TMPRSS15: variants seen among roughly 807,000 people sequenced by gnomAD.
TMPRSS15 encodes the protein transmembrane serine protease 15.
Under a neutral mutation model 125.3 loss-of-function variants are expected in TMPRSS15, and 128 were observed. The ratio of observed to expected loss-of-function variants is 1.02; its 90% CI spans 0.89 to 1.18. The LOEUF (loss-of-function observed/expected upper bound fraction) is 1.18. Ranked by LOEUF, TMPRSS15 falls within the 50% of genes most tolerant of loss-of-function variation. The pLI, the probability that TMPRSS15 is intolerant of heterozygous loss-of-function variation, is 0.00. For missense variants in TMPRSS15, 1,283 were observed against 1,212.7 expected, an observed-to-expected ratio of 1.06 and a Z score of -0.86; for synonymous variants, 446 against 423.2, an observed-to-expected ratio of 1.05 and a Z score of -0.66.
At chr21:18,471,585 A>T (rs548951017) in intron 1 of TMPRSS15, among the ~76,000 whole-genome samples, 1 of 152,236 alleles carries the variant, frequency 6.6e-6, no homozygotes, top group South Asian at 2.1e-4. Flanking sequence ...CTCAAAGAAT[A>T]AGTATGTGGG....
intron 6 of TMPRSS15, among the ~76,000 whole-genome samples, chr21:18,365,622 TTC>T (rs1569035541): frequency 8.6e-4 from 6 of 6,992 alleles, no homozygotes; most frequent in African/African-American, 1.5e-3. Flanking sequence ...TTTTCTCTCT[TTC>T]TTTCTCTTTC....
At chr21:18,439,138 C>T (rs2076235688) in intron 1 of TMPRSS15, among the ~76,000 whole-genome samples, 1 of 152,190 alleles carries the variant, frequency 6.6e-6, no homozygotes, top group South Asian at 2.1e-4. Context: ...GAGGTTTACA[C>T]ATATTCATCT....
rs2076054812 is a variant in TMPRSS15, at chr21:18,397,927, G to C, written c.296C>G (p.Ser99Ter). 4 of 1,539,166 alleles carry C rather than the reference G, an allele frequency of 2.6e-6. No homozygotes were observed. In the African/African-American group the frequency reaches 5.5e-5, roughly 21 times the overall value. ...LQQMIDEIFL[S>*]SNLKNEYKNS... is the part of the protein sequence containing the mutation. The stretch of plus-strand genomic sequence containing the variant: ...CTTATATTCATTCTTCAGATTGCTT[G>C]ATAGAAAGATCTCATCTATCTAGAA... Residue 99 changes from serine (S) to a stop codon, truncating the protein, a stop_gained, in exon 3 of 25, where the codon TCA (serine) becomes TGA (stop). Coordinates refer to ENST00000284885, the MANE Select transcript of TMPRSS15 (RefSeq NM_002772.3). LOFTEE classifies it high-confidence loss of function.
At chr21:18,466,169 C>A (rs1978656205) in intron 1 of TMPRSS15, among the ~76,000 whole-genome samples, 1 of 152,122 alleles carries the variant, frequency 6.6e-6, no homozygotes, top group African/African-American at 2.4e-5. Flanking sequence ...GGAAAGGATT[C>A]CCTATTTAAT....
In TMPRSS15 at chr21:18,278,954, G is replaced by GTGTT; in HGVS notation, c.2764+9_2764+10insAACA. ...TTTTTTTTTTTTTTTTTTTGAGTCT[G>GTGTT]ATAATTTACCTTGATATACAACCGT... On this transcript the variant is annotated intron_variant, in intron 23 of 24. Coordinates refer to ENST00000284885, the MANE Select transcript of TMPRSS15 (RefSeq NM_002772.3). 1 of 424,832 alleles carries GTGTT rather than the reference G, an allele frequency of 2.4e-6. No individual in the cohort carries two copies. The highest frequency in any genetic ancestry group is 4.0e-6 in the Non-Finnish European group (1 of 248,412). 26.3% of individuals were successfully genotyped at this position (424,832 alleles called of 1,614,324 possible).
At chr21:18,439,742 CTAGT>C (rs2076236735) in intron 1 of TMPRSS15, among the ~76,000 whole-genome samples, 1 of 151,996 alleles carries the variant, frequency 6.6e-6, no homozygotes, top group South Asian at 2.1e-4. Context: ...AAAAAAGAGA[CTAGT>C]TAGATTTAGA....
rs146016583 is a variant in TMPRSS15 at position 18,357,876 on chromosome 21, A to G, written c.880+1881T>C. Among the ~76,000 whole-genome samples the G allele has an allele frequency of 5.9e-3, 896 of 151,850 alleles. 13 individuals carry two copies. Among genetic ancestry groups the G allele is most frequent in the African/African-American group, 0.02 (838 of 41,524 alleles). On this transcript the variant is annotated intron_variant, in intron 8 of 24. Transcript: ENST00000284885. The stretch of plus-strand genomic sequence containing the variant: ...GATAATATTAGTTTTCTTAGAAAAA[A>G]TTAGAATTTTTAATTGTAAAATTTA...
At chr21:18,429,577 G>A (rs146658637) in intron 1 of TMPRSS15, among the ~76,000 whole-genome samples, 1 of 152,246 alleles carries the variant, frequency 6.6e-6, no homozygotes, top group African/African-American at 2.4e-5. Flanking sequence ...TTTATCAGGG[G>A]TTTCCACTTT....
At chr21:18,353,098 T>A in intron 9 of TMPRSS15, 46 bp from the exon 10 acceptor site, 1 of 1,524,144 alleles carries the variant, frequency 6.6e-7, no homozygotes, top group African/African-American at 1.4e-5. Context: ...TAGTCCATAA[T>A]GTGAGTAGTT....
chr21:18,416,964 A>C (rs1440997785), intron 1 of TMPRSS15, among the ~76,000 whole-genome samples: 1 of 152,092 alleles, frequency 6.6e-6, no homozygotes, highest in Non-Finnish European at 1.5e-5. Flanking sequence ...TGTCTTCATA[A>C]AGATAGTGGT....
chr21:18,293,321 T>C (rs1006974225), intron 21 of TMPRSS15, among the ~76,000 whole-genome samples: 4 of 152,178 alleles, frequency 2.6e-5, no homozygotes, highest in African/African-American at 9.7e-5. Context: ...CCCGGTTCTT[T>C]CCTCGTCAAT....
chr21:18,282,061 G>A (rs894124883), intron 21 of TMPRSS15, among the ~76,000 whole-genome samples: 4 of 122,290 alleles, frequency 3.3e-5, no homozygotes, highest in Non-Finnish European at 6.3e-5. Flanking sequence ...TTGCGCCACT[G>A]CACTCCAGCC....
chr21:18,276,508 G>A (rs1316114228), intron 23 of TMPRSS15, among the ~76,000 whole-genome samples: 1 of 152,114 alleles, frequency 6.6e-6, no homozygotes, highest in Non-Finnish European at 1.5e-5. Context: ...GAGGATCAAG[G>A]ATGGCTTGGC....
rs1243190127 is a variant in TMPRSS15, at chr21:18,341,486, T to C, written c.1491A>G (p.Leu497=). ...GACTCCCATTGCAAATCCCATATGT[T>C]AGGCTAATGTCATCCAACGCAATAT... ...LSDIALDDIS[L]TYGICNGSLY... is the part of the protein sequence containing the mutation. Residue 497 remains leucine (L), a synonymous_variant, in exon 13 of 25, where the codon CTA becomes CTG. Transcript: ENST00000284885. 1 of 1,614,172 alleles carries C rather than the reference T, an allele frequency of 6.2e-7. No individual in the cohort carries two copies. Among genetic ancestry groups the C allele is most frequent in the Admixed American group, 1.7e-5 (1 of 60,028 alleles).
intron 1 of TMPRSS15, among the ~76,000 whole-genome samples, chr21:18,461,775 C>T (rs1173536542): frequency 6.6e-6 from 1 of 151,876 alleles, no homozygotes; most frequent in Non-Finnish European, 1.5e-5. Context: ...AACTTAAAGT[C>T]GATTTATTTT....
At chr21:18,296,125 C>T (rs1247837805) in intron 19 of TMPRSS15, among the ~76,000 whole-genome samples, 2 of 152,096 alleles carry the variant, frequency 1.3e-5, no homozygotes, top group African/African-American at 4.8e-5. Context: ...TGCACTCCAG[C>T]CTGGGCAACA....
chr21:18,459,818 T>C lies in TMPRSS15; in HGVS notation c.10+25981A>G, dbSNP rs1049713625. ...CAGACTTGTTACTTCTCTGCGAACATGATACATCTCTCCATTTATTTTGAT... is the reference window on the plus strand; with the variant it reads ...CAGACTTGTTACTTCTCTGCGAACACGATACATCTCTCCATTTATTTTGAT... On this transcript the variant is annotated intron_variant, in intron 1 of 7. Transcript: ENST00000422787. 4.6e-5 allele frequency among the ~76,000 whole-genome samples: 7 copies of C among 152,196 alleles called. No homozygotes were observed. In the East Asian group the frequency reaches 1.3e-3, roughly 29 times the overall value.
At chr21:18,476,467 GT>G (rs543350897) in intron 1 of TMPRSS15, among the ~76,000 whole-genome samples, 14 of 152,196 alleles carry the variant, frequency 9.2e-5, no homozygotes, top group Admixed American at 3.3e-4. Context: ...CTTTTGGGGG[GT>G]TTTTGCAATC....
chr21:18,287,690 G>A (rs1488401464), intron 21 of TMPRSS15, among the ~76,000 whole-genome samples: 1 of 152,156 alleles, frequency 6.6e-6, no homozygotes, highest in African/African-American at 2.4e-5. Context: ...CACGATATAG[G>A]TCAAGAGAGA....
Sources: allele counts gnomAD v4.1 joint callset (sites outside exome capture counted in the v4.1 genomes callset), GRCh38; gene constraint gnomAD v4.1.1; transcripts MANE v1.5; gene names NCBI Gene and HGNC (gene_info 2026-07-23, HGNC 2026-07-21).